STX8: variants seen among roughly 807,000 people sequenced by gnomAD.
The protein encoded by STX8 is syntaxin-8.
In STX8, 23 loss-of-function variants were observed where a neutral mutation model predicts 37.5. The ratio of observed to expected loss-of-function variants is 0.61; its 90% CI spans 0.44 to 0.87. The LOEUF is 0.87. STX8 is among the 40% of genes least tolerant of loss of function. STX8 has a pLI of 0.00. For synonymous variants in STX8, 115 were observed against 99.1 expected, an observed-to-expected ratio of 1.16 and a Z score of -0.95; for missense variants, 313 against 284.7, an observed-to-expected ratio of 1.10 and a Z score of -0.71.
intron 7 of STX8, among the ~76,000 whole-genome samples, chr17:9,253,207 G>GTGTGTGTGTGT (rs1555582915): frequency 5.0e-5 from 7 of 141,026 alleles, no homozygotes; most frequent in Non-Finnish European, 7.7e-5. Flanking sequence ...CAGGGGTAGG[G>GTGTGTGTGTGT]GTGTGTGTGT....
intron 6 of STX8, among the ~76,000 whole-genome samples, chr17:9,483,944 A>G (rs1250950864): frequency 6.6e-6 from 1 of 152,126 alleles, no homozygotes; most frequent in East Asian, 1.9e-4. Flanking sequence ...ATATCTCCGT[A>G]TGTCTGCCAG....
intron 6 of STX8, among the ~76,000 whole-genome samples, chr17:9,418,683 C>A (rs1229431238): frequency 6.6e-6 from 1 of 151,378 alleles, no homozygotes; most frequent in East Asian, 1.9e-4. Flanking sequence ...AAAAATTAGC[C>A]GGGCGTGGTG....
chr17:9,351,732 T>C (rs190403104), intron 7 of STX8, among the ~76,000 whole-genome samples: 1 of 152,312 alleles, frequency 6.6e-6, no homozygotes, highest in Non-Finnish European at 1.5e-5. Context: ...CTATCCTTCA[T>C]GACCCTGATA....
rs182546455 is a variant in STX8, at chr17:9,411,262, C to T, written c.542-32609G>A. ...ACCTATACTAGCAGTGAATGATGTT[C>T]TCAATGTCTCTCTGATTAACCCTTG... On this transcript the variant is annotated intron_variant, in intron 6 of 7. Coordinates refer to ENST00000306357, the MANE Select transcript of STX8 (RefSeq NM_004853.3). 1.3e-3 allele frequency among the ~76,000 whole-genome samples: 198 copies of T among 152,334 alleles called. 2 individuals are homozygous for T. The highest frequency in any genetic ancestry group is 4.6e-3 in the African/African-American group (193 of 41,570).
At chr17:9,430,897 C>A (rs1913939125) in intron 6 of STX8, among the ~76,000 whole-genome samples, 1 of 152,206 alleles carries the variant, frequency 6.6e-6, no homozygotes, top group South Asian at 2.1e-4. Flanking sequence ...GATCCACCCG[C>A]CTCGGCCTCC....
At chr17:9,378,260 TATA>T (rs1379448977) in intron 7 of STX8, 4 of 313,874 alleles carry the variant, frequency 1.3e-5, no homozygotes, top group African/African-American at 8.6e-5. Context: ...CGCCAACCAG[TATA>T]ATGTTATACA....
chr17:9,537,410 G>A (rs1196975574), intron 4 of STX8, among the ~76,000 whole-genome samples: 5 of 152,184 alleles, frequency 3.3e-5, no homozygotes, highest in African/African-American at 4.8e-5. Context: ...CAGTCACAGG[G>A]AACACGCACG....
At chr17:9,271,655 C>G (rs562379167) in intron 7 of STX8, among the ~76,000 whole-genome samples, 31 of 148,382 alleles carry the variant, frequency 2.1e-4, no homozygotes, top group African/African-American at 7.2e-4. Flanking sequence ...GAGGCTGAGG[C>G]AGGAGAATCA....
At chr17:9,364,846 A>C (rs1696538628) in intron 7 of STX8, among the ~76,000 whole-genome samples, 2 of 152,112 alleles carry the variant, frequency 1.3e-5, no homozygotes, top group Non-Finnish European at 2.9e-5. Flanking sequence ...TATTTGATAT[A>C]TTATTATACT....
At chr17:9,487,766 G>A (rs944567260) in intron 6 of STX8, among the ~76,000 whole-genome samples, 1 of 152,210 alleles carries the variant, frequency 6.6e-6, no homozygotes, top group Non-Finnish European at 1.5e-5. Flanking sequence ...GGCAAAATGT[G>A]CGAGTCGAAG....
chr17:9,327,017 C>T (rs1334494436), intron 7 of STX8, among the ~76,000 whole-genome samples: 1 of 151,878 alleles, frequency 6.6e-6, no homozygotes, highest in Non-Finnish European at 1.5e-5. Context: ...ATTAGCCGGG[C>T]GTGATGGTGC....
rs184470314 is a variant in STX8 at position 9,524,487 on chromosome 17, G to A, written c.324-19325C>T. 3.2e-3 allele frequency among the ~76,000 whole-genome samples: 491 copies of A among 152,186 alleles called. 2 individuals are homozygous for A. The highest frequency in any genetic ancestry group is 0.011 in the African/African-American group (460 of 41,512). The stretch of plus-strand genomic sequence containing the variant: ...AAGGGCACTAATCCCATTCTTGAGG[G>A]CAGAGTCCTCATGACTTACTTCCCC... On this transcript the variant is annotated intron_variant, in intron 4 of 7. Coordinates refer to ENST00000306357, the MANE Select transcript of STX8 (RefSeq NM_004853.3).
intron 7 of STX8, among the ~76,000 whole-genome samples, chr17:9,335,229 C>A (rs1910098463): frequency 6.6e-6 from 1 of 152,222 alleles, no homozygotes; most frequent in Non-Finnish European, 1.5e-5. Context: ...GGAATAAAAA[C>A]CCCTTCCCCT....
At chr17:9,428,303 C>A (rs1056673665) in intron 6 of STX8, among the ~76,000 whole-genome samples, 2 of 152,176 alleles carry the variant, frequency 1.3e-5, no homozygotes, top group Non-Finnish European at 2.9e-5. Flanking sequence ...GGCAGTGGCG[C>A]GATCTCGGCT....
At chr17:9,278,124 G>A (rs189185696) in intron 7 of STX8, among the ~76,000 whole-genome samples, 1 of 152,236 alleles carries the variant, frequency 6.6e-6, no homozygotes, top group Admixed American at 6.5e-5. Flanking sequence ...ACATGAAATG[G>A]GGTGGTGGCA....
chr17:9,271,409 C>T (rs985487944), intron 7 of STX8, among the ~76,000 whole-genome samples: 58 of 151,930 alleles, frequency 3.8e-4, no homozygotes, highest in African/African-American at 1.4e-3. Context: ...AGCCGAGATG[C>T]GCCTTTGCAC....
At chr17:9,396,397 A>G (rs1912402365) in intron 6 of STX8, among the ~76,000 whole-genome samples, 1 of 151,906 alleles carries the variant, frequency 6.6e-6, no homozygotes, top group South Asian at 2.1e-4. Flanking sequence ...AAAATACTCT[A>G]TATGGGCCGG....
intron 3 of STX8, among the ~76,000 whole-genome samples, chr17:9,549,007 C>A (rs957771706): frequency 6.6e-6 from 1 of 152,088 alleles, no homozygotes; most frequent in African/African-American, 2.4e-5. Flanking sequence ...AGCTTCAGAA[C>A]CATATGTATA....
At chr17:9,462,750 A>G (rs564676634) in intron 6 of STX8, among the ~76,000 whole-genome samples, 2 of 152,208 alleles carry the variant, frequency 1.3e-5, no homozygotes, top group Non-Finnish European at 2.9e-5. Context: ...CATCAGGAAA[A>G]AAGCATGGGG....
Sources: allele counts gnomAD v4.1 joint callset (sites outside exome capture counted in the v4.1 genomes callset), GRCh38; gene constraint gnomAD v4.1.1; transcripts MANE v1.5; gene names NCBI Gene and HGNC (gene_info 2026-07-23, HGNC 2026-07-21).